The following PRPF38A variants were observed in gnomAD, a reference collection of about 807,000 sequenced individuals.
PRPF38A encodes the protein pre-mRNA processing factor 38A, also known as pre-mRNA-splicing factor 38A.
PRPF38A carries 11 observed loss-of-function variants against 46.8 expected under a neutral mutation model. The ratio of observed to expected loss-of-function variants is 0.24; its 90% CI spans 0.15 to 0.39. The LOEUF (loss-of-function observed/expected upper bound fraction) is 0.39. PRPF38A is among the 10% of genes least tolerant of loss of function. The pLI is 1.00. For missense variants in PRPF38A, 261 were observed against 407.5 expected, an observed-to-expected ratio of 0.64 and a Z score of 3.10; for synonymous variants, 124 against 136.2, an observed-to-expected ratio of 0.91 and a Z score of 0.62.
Position 52,416,921 on chromosome 1 carries a change from G to A in PRPF38A, c.*231G>A, listed in dbSNP as rs1376735923. The A allele has an allele frequency of 1.9e-6, 1 of 513,470 alleles. No individual in the cohort carries two copies. The highest frequency in any genetic ancestry group is 3.5e-6 in the Non-Finnish European group (1 of 283,906). 31.8% of individuals were successfully genotyped at this position (513,470 alleles called of 1,614,324 possible). Reference sequence around the variant, plus strand: ...CTTGACTGTATTCAAACTTATGAGAGTATAAAGGATCTGGAGGTTGGGGAT... The same window carrying A: ...CTTGACTGTATTCAAACTTATGAGAATATAAAGGATCTGGAGGTTGGGGAT... On this transcript the variant is annotated 3_prime_UTR_variant, in exon 10 of 10. Transcript: ENST00000257181.
chr1:52,408,471 GA>G (rs1439243192), intron 2 of PRPF38A, 97 bp from the exon 3 acceptor site: 1 of 1,528,000 alleles, frequency 6.5e-7, no homozygotes, highest in African/African-American at 1.4e-5. Context: ...CTGCCAAAGA[GA>G]AGAACATGTT....
rs147819819 is a variant in PRPF38A, at chr1:52,416,916, T to C, written c.*226T>C. The C allele has an allele frequency of 6.0e-4, 321 of 538,904 alleles. 2 individuals carry two copies. In the East Asian group the frequency reaches 9.1e-3, roughly 15 times the overall value. The allele number at this position is 538,904 out of a possible 1,614,324, so 33.4% of individuals were successfully genotyped here. On this transcript the variant is annotated 3_prime_UTR_variant, in exon 10 of 10. Coordinates refer to ENST00000257181, the MANE Select transcript of PRPF38A (RefSeq NM_032864.4). ...CTAACCTTGACTGTATTCAAACTTA[T>C]GAGAGTATAAAGGATCTGGAGGTTG... is the stretch of plus-strand genomic sequence containing the variant.
rs368218185 is a variant in PRPF38A, at chr1:52,408,704, T to C, written c.412+14T>C. 8 of 1,611,908 alleles carry C rather than the reference T, an allele frequency of 5.0e-6. No individual in the cohort carries two copies. In the African/African-American group the frequency reaches 1.1e-4, roughly 22 times the overall value. On this transcript the variant is annotated intron_variant, in intron 3 of 9. Transcript: ENST00000257181. ...ACCGAAATGGGGGTAAGTATGGTGC[T>C]AAGTCTCCTGATTGTCATTTTTAAG...
chr1:52,415,294 G>C, intron 8 of PRPF38A, 44 bp from the exon 9 acceptor site: 1 of 1,593,374 alleles, frequency 6.3e-7, no homozygotes, highest in South Asian at 1.1e-5. Flanking sequence ...AGTTTAATAA[G>C]AGTAGAAGGG....
At chr1:52,408,393 C>T in intron 2 of PRPF38A, 176 bp from the exon 3 acceptor site, 1 of 790,138 alleles carries the variant, frequency 1.3e-6, no homozygotes, top group Non-Finnish European at 2.2e-6. Context: ...GGAACTTGAA[C>T]TCAGGTCTCC....
chr1:52,407,897 A>T (rs539379976), intron 2 of PRPF38A, among the ~76,000 whole-genome samples: 27 of 152,382 alleles, frequency 1.8e-4, no homozygotes, highest in African/African-American at 6.0e-4. Context: ...CCTACTAAAA[A>T]TACAAAAATT....
chr1:52,415,613 AACCTGGCTCACT>A (rs1343963483), intron 9 of PRPF38A, among the ~76,000 whole-genome samples: 2 of 152,072 alleles, frequency 1.3e-5, no homozygotes, highest in Non-Finnish European at 2.9e-5. Context: ...CAGTGGCGTG[AACCTGGCTCACT>A]GCAGCCTCTG....
Position 52,413,007 on chromosome 1 carries a change from AT to A in PRPF38A, c.609+391del, listed in dbSNP as rs1369531516. ...AAAGTGAGACTCCGTCTCAAAAAAA[AT>A]TTTTTTTCTAACTCTAGCCAAAAAC... On this transcript the variant is annotated intron_variant, in intron 5 of 9. Transcript: ENST00000257181. Among the ~76,000 whole-genome samples the A allele has an allele frequency of 3.3e-5, 5 of 152,142 alleles. No individual in the cohort carries two copies. In the East Asian group the frequency reaches 9.7e-4, roughly 29 times the overall value.
rs531305099 is a variant in PRPF38A at position 52,420,561 on chromosome 1, A to G, written c.*3871A>G. 2 of 152,230 alleles carry G rather than the reference A, an allele frequency of 1.3e-5. No individual in the cohort carries two copies. Among genetic ancestry groups the G allele is most frequent in the East Asian group, 1.9e-4 (1 of 5,154 alleles). 9.4% of individuals were successfully genotyped at this position (152,230 alleles called of 1,614,324 possible). On this transcript the variant is annotated 3_prime_UTR_variant, in exon 10 of 10. Coordinates refer to ENST00000257181, the MANE Select transcript of PRPF38A (RefSeq NM_032864.4). ...TACAAGACTAGATTCTCTTGTGGGG[A>G]AAAAAGTATTTAAATTGAGCATTTT...
intron 9 of PRPF38A, among the ~76,000 whole-genome samples, chr1:52,416,223 T>C (rs1648288391): frequency 6.6e-6 from 1 of 151,912 alleles, no homozygotes; most frequent in African/African-American, 2.4e-5. Context: ...AGTGTTGCTC[T>C]GAGTCAAAAA....
intron 9 of PRPF38A, among the ~76,000 whole-genome samples, chr1:52,416,046 T>G (rs753381289): frequency 1.5e-4 from 22 of 151,394 alleles, no homozygotes; most frequent in Admixed American, 2.6e-4. Flanking sequence ...GTTTCACCAT[T>G]TTAGCCAGGA....
intron 3 of PRPF38A, 152 bp downstream of exon 3, chr1:52,408,842 G>A (rs1261596832): frequency 8.7e-6 from 8 of 918,662 alleles, no homozygotes; most frequent in African/African-American, 1.7e-5. Flanking sequence ...GTCCCTCATG[G>A]GAGTTTTCAG....
rs759301464 is a variant in PRPF38A, at chr1:52,408,464, C to T, written c.291-105C>T. 2.0e-6 allele frequency: 3 copies of T among 1,497,660 alleles called. No homozygotes were observed. In the African/African-American group the frequency reaches 4.1e-5, roughly 21 times the overall value. 92.8% of individuals were successfully genotyped at this position (1,497,660 alleles called of 1,614,324 possible). ...TCCACAATTGCAGCTTTCTTACCTGCCAAAGAGAAGAACATGTTTATCCAC... is the reference window on the plus strand; with the variant it reads ...TCCACAATTGCAGCTTTCTTACCTGTCAAAGAGAAGAACATGTTTATCCAC... On this transcript the variant is annotated intron_variant, in intron 2 of 9. Coordinates refer to ENST00000257181, the MANE Select transcript of PRPF38A (RefSeq NM_032864.4).
intron 6 of PRPF38A, 84 bp downstream of exon 6, chr1:52,414,075 C>A: frequency 1.2e-6 from 1 of 827,262 alleles, no homozygotes; most frequent in Non-Finnish European, 2.0e-6. Context: ...GAAAAATGCA[C>A]GTCTATGGAG....
At chr1:52,413,749 C>A in intron 5 of PRPF38A, 130 bp from the exon 6 acceptor site, 1 of 639,634 alleles carries the variant, frequency 1.6e-6, no homozygotes, top group Non-Finnish European at 2.8e-6. Flanking sequence ...TCTTTGTAGT[C>A]AGGTTACTGT....
At chr1:52,407,252 G>A (rs952189271) in intron 2 of PRPF38A, among the ~76,000 whole-genome samples, 6 of 152,092 alleles carry the variant, frequency 3.9e-5, no homozygotes, top group African/African-American at 1.4e-4. Context: ...CTCCTGACCC[G>A]GTGACCCACC....
chr1:52,410,823 C>T (rs1019474664), intron 3 of PRPF38A, among the ~76,000 whole-genome samples: 1 of 152,176 alleles, frequency 6.6e-6, no homozygotes, highest in African/African-American at 2.4e-5. Flanking sequence ...GCTATCACTC[C>T]ATGTGCCATA....
chr1:52,416,768 C>T lies in PRPF38A; in HGVS notation c.*78C>T. 4 of 1,063,958 alleles carry T rather than the reference C, an allele frequency of 3.8e-6. No homozygotes were observed. The highest frequency in any genetic ancestry group is 4.4e-6 in the Non-Finnish European group (3 of 683,636). The allele number at this position is 1,063,958 out of a possible 1,614,324, so 65.9% of individuals were successfully genotyped here. Reference sequence around the variant, plus strand: ...TGTATGTGGAAGGATTAAGATCTCCCCCAGGCAGCTATAAGAATATTTTAG... The same window carrying T: ...TGTATGTGGAAGGATTAAGATCTCCTCCAGGCAGCTATAAGAATATTTTAG... On this transcript the variant is annotated 3_prime_UTR_variant, in exon 10 of 10. Transcript: ENST00000257181.
intron 3 of PRPF38A, 178 bp downstream of exon 3, chr1:52,408,868 C>A (rs972459758): frequency 1.5e-6 from 1 of 648,408 alleles, no homozygotes; most frequent in African/African-American, 1.8e-5. Context: ...CTACTAGCTT[C>A]GTGTTGGCCT....
Sources: gnomAD v4.1 joint callset for allele counts (sites outside exome capture counted in the v4.1 genomes callset) on GRCh38, gnomAD v4.1.1 for gene constraint, MANE v1.5 for transcripts, NCBI Gene and HGNC (gene_info 2026-07-23, HGNC 2026-07-21) for gene names.